The following PCDHA8 variants were observed in gnomAD, a reference collection of about 807,000 sequenced individuals.
PCDHA8 encodes protocadherin alpha-8.
PCDHA8 carries 53 observed loss-of-function variants against 61.8 expected under a neutral mutation model. The ratio of observed to expected loss-of-function variants is 0.86; its 90% CI spans 0.69 to 1.08. The LOEUF is 1.08. PCDHA8 is among the 50% of genes least tolerant of loss of function. The pLI, the probability that PCDHA8 is intolerant of heterozygous loss-of-function variation, is 0.00. For synonymous variants in PCDHA8, 618 were observed against 556.6 expected, an observed-to-expected ratio of 1.11 and a Z score of -1.55; for missense variants, 1,293 against 1,245.0, an observed-to-expected ratio of 1.04 and a Z score of -0.58.
chr5:140,883,683 G>A lies in PCDHA8; in HGVS notation c.2394+39968G>A, dbSNP rs1015362604. ...GTGAAGGAAAACAATCCGCCGGGCT[G>A]CCACATCTTCACGGTGTCTGCTCAG... On this transcript the variant is annotated intron_variant, in intron 1 of 3. Transcript: ENST00000531613. 4 of 1,613,808 alleles carry A rather than the reference G, an allele frequency of 2.5e-6. No individual in the cohort carries two copies. Among genetic ancestry groups the A allele is most frequent in the Non-Finnish European group, 3.4e-6 (4 of 1,179,896 alleles).
chr5:140,928,585 G>T, intron 1 of PCDHA8: 1 of 1,614,194 alleles, frequency 6.2e-7, no homozygotes, highest in Non-Finnish European at 8.5e-7. Context: ...AAATGGTTCT[G>T]TCCCAGTGGA....
chr5:140,929,071 T>C, intron 1 of PCDHA8: 1 of 1,614,122 alleles, frequency 6.2e-7, no homozygotes, highest in South Asian at 1.1e-5. Flanking sequence ...GGATCTGAGG[T>C]ATGGAAGTAA....
intron 1 of PCDHA8, chr5:140,967,329 G>A: frequency 6.2e-7 from 1 of 1,608,212 alleles, no homozygotes; most frequent in Non-Finnish European, 8.5e-7. Flanking sequence ...TACGAGCTCA[G>A]CCCCAGCGAG....
chr5:140,962,939 C>CA (rs2095722674), intron 1 of PCDHA8, among the ~76,000 whole-genome samples: 1 of 152,134 alleles, frequency 6.6e-6, no homozygotes, highest in African/African-American at 2.4e-5. Context: ...ACCTCCTCTC[C>CA]ATAAGATATG....
In PCDHA8 at chr5:140,927,058, C is replaced by G. The variant is rs376173105; in HGVS notation, c.2395-51891C>G. ...GGCCGCTATGTCCTCGCGGAACTTT[C>G]GCTTCCTTTCCAGCCACCGCGAGCT... On this transcript the variant is annotated intron_variant, in intron 1 of 3. Coordinates refer to ENST00000531613, the MANE Select transcript of PCDHA8 (RefSeq NM_018911.3). 17 of 1,611,136 alleles carry G rather than the reference C, an allele frequency of 1.1e-5. No homozygotes were observed. The South Asian group carries it at 1.2e-4, about 11-fold the overall frequency.
At chr5:140,968,036 A>G (rs1554230231) in intron 1 of PCDHA8, 1 of 1,614,042 alleles carries the variant, frequency 6.2e-7, no homozygotes, top group African/African-American at 1.3e-5. Context: ...ACTGGTGGTG[A>G]GCGGCCCACT....
intron 1 of PCDHA8, among the ~76,000 whole-genome samples, chr5:140,950,372 C>G (rs1369892292): frequency 1.3e-5 from 2 of 151,918 alleles, no homozygotes; most frequent in African/African-American, 4.8e-5. Context: ...ATCTATTTAT[C>G]TTCCATTTGA....
intron 1 of PCDHA8, chr5:140,968,436 C>T (rs1479503016): frequency 3.1e-6 from 5 of 1,613,876 alleles, no homozygotes; most frequent in Non-Finnish European, 3.4e-6. Context: ...AAGGGGAGCC[C>T]ACCACTGAGC....
intron 1 of PCDHA8, chr5:140,848,709 G>T: frequency 6.3e-7 from 1 of 1,592,420 alleles, no homozygotes; most frequent in African/African-American, 1.3e-5. Context: ...CAAAGGCCGC[G>T]GGGACCTTCT....
intron 3 of PCDHA8, among the ~76,000 whole-genome samples, chr5:140,990,983 A>G (rs3776109): frequency 0.049 from 7,423 of 152,298 alleles, 240 homozygotes; most frequent in South Asian, 0.11. Flanking sequence ...AAAGGAAGAC[A>G]ATAGCTACCA....
chr5:140,938,973 G>A (rs112209995), intron 1 of PCDHA8, among the ~76,000 whole-genome samples: 3 of 152,224 alleles, frequency 2.0e-5, no homozygotes, highest in East Asian at 1.9e-4. Context: ...TTGGCATCAA[G>A]GCTATCCTGG....
chr5:140,904,287 G>A (rs2071024041), intron 1 of PCDHA8, among the ~76,000 whole-genome samples: 1 of 151,908 alleles, frequency 6.6e-6, no homozygotes, highest in Non-Finnish European at 1.5e-5. Context: ...TGTGGTGTTT[G>A]GTTTTCCATT....
chr5:140,842,062 C>G lies in PCDHA8; in HGVS notation c.741C>G (p.Tyr247Ter), dbSNP rs548664799. The G allele has an allele frequency of 3.1e-6, 5 of 1,613,774 alleles. No individual in the cohort carries two copies. In the African/African-American group the frequency reaches 6.7e-5, roughly 22 times the overall value. ...DNAPTFEQSE[Y>*]EVRIFENADN... ...CTCCCACTTTCGAACAGTCTGAATA[C>G]GAAGTAAGAATATTCGAAAACGCAG... Residue 247 changes from tyrosine (Y) to a stop codon, truncating the protein, a stop_gained, in exon 1 of 4, where the codon TAC (tyrosine) becomes TAG (stop). Coordinates refer to ENST00000531613, the MANE Select transcript of PCDHA8 (RefSeq NM_018911.3). LOFTEE classifies it high-confidence loss of function.
intron 1 of PCDHA8, among the ~76,000 whole-genome samples, chr5:140,910,150 T>G (rs555048323): frequency 6.6e-6 from 1 of 152,354 alleles, no homozygotes; most frequent in South Asian, 2.1e-4. Flanking sequence ...GGAAATTGAT[T>G]GAGGGGAAAT....
chr5:140,992,017 C>CTGTGTG (rs10602499), intron 3 of PCDHA8, among the ~76,000 whole-genome samples: 2,290 of 145,594 alleles, frequency 0.016, 56 homozygotes, highest in African/African-American at 0.05. Flanking sequence ...AGAGGTGGCT[C>CTGTGTG]TGTGTGTGTG....
intron 1 of PCDHA8, chr5:140,968,218 A>C (rs1586280879): frequency 6.2e-7 from 1 of 1,614,012 alleles, no homozygotes. Flanking sequence ...ACAATTTGCC[A>C]GGTGTGTTGC....
intron 1 of PCDHA8, among the ~76,000 whole-genome samples, chr5:140,874,476 A>G (rs1024531291): frequency 1.1e-4 from 17 of 152,236 alleles, no homozygotes; most frequent in Non-Finnish European, 8.8e-5. Context: ...TTAGAGAAAA[A>G]GCAAAAGGTT....
intron 1 of PCDHA8, chr5:140,927,406 G>A (rs782729912): frequency 1.2e-6 from 2 of 1,614,210 alleles, no homozygotes; most frequent in Admixed American, 1.7e-5. Flanking sequence ...CTTTCGCCTG[G>A]ACATGGGATC....
intron 3 of PCDHA8, among the ~76,000 whole-genome samples, chr5:140,991,829 G>A (rs530610195): frequency 3.3e-5 from 5 of 152,196 alleles, no homozygotes; most frequent in South Asian, 2.1e-4. Flanking sequence ...CATTTATAAC[G>A]GCAGAACCGC....
Sources: gnomAD v4.1 joint callset for allele counts (sites outside exome capture counted in the v4.1 genomes callset) on GRCh38, gnomAD v4.1.1 for gene constraint, MANE v1.5 for transcripts, NCBI Gene and HGNC (gene_info 2026-07-23, HGNC 2026-07-21) for gene names.